SNX21: variants seen among roughly 807,000 people sequenced by gnomAD.
SNX21 encodes the protein sorting nexin-21.
A neutral mutation model predicts 30.9 loss-of-function variants in SNX21; 36 were observed. That is an observed-to-expected ratio of 1.16 (90% confidence interval 0.89 to 1.54). The LOEUF is 1.54. Ranked by LOEUF, SNX21 falls within the 40% of genes most tolerant of loss-of-function variation. The pLI, the probability that SNX21 is intolerant of heterozygous loss-of-function variation, is 0.00. For synonymous variants in SNX21, 218 were observed against 222.7 expected, an observed-to-expected ratio of 0.98 and a Z score of 0.19; for missense variants, 508 against 516.5, an observed-to-expected ratio of 0.98 and a Z score of 0.16.
At chr20:45,839,351 TA>T (rs1287214875) in intron 3 of SNX21, among the ~76,000 whole-genome samples, 134 of 151,782 alleles carry the variant, frequency 8.8e-4, no homozygotes, top group East Asian at 3.9e-3. Context: ...CCGTCTCTAC[TA>T]AAAAATACAA....
At chr20:45,838,759 A>AAAGTAAAT (rs1555822104) in intron 3 of SNX21, among the ~76,000 whole-genome samples, 1 of 152,134 alleles carries the variant, frequency 6.6e-6, no homozygotes, top group Non-Finnish European at 1.5e-5. Flanking sequence ...ATAAATAAAT[A>AAAGTAAAT]AAGTAAATAA....
At position 45,842,242 on chromosome 20, in the gene SNX21, A is replaced by C; in HGVS notation, c.*929A>C. 6.9e-7 allele frequency: 1 copy of C among 1,440,230 alleles called. No individual in the cohort carries two copies. The highest frequency in any genetic ancestry group is 9.1e-7 in the Non-Finnish European group (1 of 1,103,862). 89.2% of individuals were successfully genotyped at this position (1,440,230 alleles called of 1,614,324 possible). On this transcript the variant is annotated 3_prime_UTR_variant, in exon 4 of 4. Transcript: ENST00000491381. The stretch of plus-strand genomic sequence containing the variant: ...GCTCCAAATGCCCCTTCATGAGCTT[A>C]TTATGGACCGTCATTGAGGGGTAAC...
chr20:45,835,088 T>A lies in SNX21; in HGVS notation c.419T>A (p.Val140Asp), dbSNP rs1277431903. ...CTCTTCGAAGTGACCAGCGCTAACG[T>A]TGTCAAGGACCCGCCCTCCAAGTAC... Reference protein sequence around the residue: ...RLLFEVTSANVVKDPPSKYVL... With the variant: ...RLLFEVTSANDVKDPPSKYVL... Residue 140 changes from valine to aspartate, a missense_variant, in exon 3 of 4, where the codon GTT becomes GAT. By Grantham distance (152) the Val-to-Asp change is radical. Coordinates refer to ENST00000491381, the MANE Select transcript of SNX21 (RefSeq NM_033421.4). 1 of 1,613,622 alleles carries A rather than the reference T, an allele frequency of 6.2e-7. No individual in the cohort carries two copies. Among genetic ancestry groups the A allele is most frequent in the Admixed American group, 1.7e-5 (1 of 59,930 alleles).
Position 45,843,189 on chromosome 20 carries a change from A to G in SNX21, c.*1876A>G. The G allele has an allele frequency of 2.1e-6, 1 of 486,324 alleles. No individual in the cohort carries two copies. Among genetic ancestry groups the G allele is most frequent in the South Asian group, 1.9e-5 (1 of 52,472 alleles). 30.1% of individuals were successfully genotyped at this position (486,324 alleles called of 1,614,324 possible). The stretch of plus-strand genomic sequence containing the variant: ...CTGCGGGTTTGGATACCACTGCTGT[A>G]ATGTAACCCTCTTTGTTTAGATGAG... On this transcript the variant is annotated 3_prime_UTR_variant, in exon 4 of 4. Coordinates refer to ENST00000491381, the MANE Select transcript of SNX21 (RefSeq NM_033421.4).
chr20:45,841,117 C>A lies in SNX21; in HGVS notation c.926C>A (p.Ala309Asp). 6.2e-7 allele frequency: 1 copy of A among 1,610,424 alleles called. No homozygotes were observed. Among genetic ancestry groups the A allele is most frequent in the Non-Finnish European group, 8.5e-7 (1 of 1,178,800 alleles). Residue 309 changes from alanine (A) to aspartate (D), a missense_variant, in exon 4 of 4, where the codon GCC becomes GAC. Coordinates refer to ENST00000491381, the MANE Select transcript of SNX21 (RefSeq NM_033421.4). ...GAGGCCCGGGCATGCTGTGAGAAGG[C>A]CCTGCAGCTGCTTGGGGACAAGAGC... ...PGEARACCEK[A>D]LQLLGDKSLH...
chr20:45,836,658 G>A (rs1405136442), intron 3 of SNX21, among the ~76,000 whole-genome samples: 1 of 152,052 alleles, frequency 6.6e-6, no homozygotes, highest in Non-Finnish European at 1.5e-5. Context: ...GCACCACCAC[G>A]TGTGGCCAAT....
chr20:45,836,975 G>A (rs1366167708), intron 3 of SNX21, among the ~76,000 whole-genome samples: 5 of 152,148 alleles, frequency 3.3e-5, no homozygotes, highest in East Asian at 1.9e-4. Flanking sequence ...TGTGACTTAC[G>A]GCAAGTCTTT....
At chr20:45,834,936 T>A in intron 2 of SNX21, 23 bp from the exon 3 acceptor site, 1 of 1,609,476 alleles carries the variant, frequency 6.2e-7, no homozygotes, top group Non-Finnish European at 8.5e-7. Flanking sequence ...GGCCCATTGA[T>A]ATGACTGGTC....
At position 45,840,733 on chromosome 20, in the gene SNX21, ACCTG is replaced by A; in HGVS notation, c.544_547del (p.Leu182SerfsTer102). The A allele has an allele frequency of 2.5e-6, 4 of 1,614,062 alleles. No individual in the cohort carries two copies. Among genetic ancestry groups the A allele is most frequent in the Non-Finnish European group, 3.4e-6 (4 of 1,180,014 alleles). On this transcript the variant is annotated frameshift_variant, in exon 4 of 4. Transcript: ENST00000491381. LOFTEE classifies it high-confidence loss of function. ...TCGGACTTTGAGCGGCTGCACCGAA[ACCTG>A]CAGCGGCAATTCCGGGGCCCAATGG...
chr20:45,842,717 A>G lies in SNX21; in HGVS notation c.*1404A>G. On this transcript the variant is annotated 3_prime_UTR_variant, in exon 4 of 4. Coordinates refer to ENST00000491381, the MANE Select transcript of SNX21 (RefSeq NM_033421.4). ...GTGTTGTCCAGTTTTCCAGACCAGG[A>G]CTGAAATCCAGAGAGGGTCAGGAAT... 2 of 989,306 alleles carry G rather than the reference A, an allele frequency of 2.0e-6. No homozygotes were observed. Among genetic ancestry groups the G allele is most frequent in the Non-Finnish European group, 2.4e-6 (2 of 832,324 alleles). The allele number at this position is 989,306 out of a possible 1,614,324, so 61.3% of individuals were successfully genotyped here.
chr20:45,838,669 G>T (rs1042968865), intron 3 of SNX21, among the ~76,000 whole-genome samples: 6 of 151,930 alleles, frequency 3.9e-5, no homozygotes, highest in African/African-American at 1.2e-4. Flanking sequence ...CAGGAGAATT[G>T]CTTGAACCCA....
In SNX21 at chr20:45,842,661, A is replaced by C; in HGVS notation, c.*1348A>C. 1 of 989,792 alleles carries C rather than the reference A, an allele frequency of 1.0e-6. No individual in the cohort carries two copies. The highest frequency in any genetic ancestry group is 1.2e-6 in the Non-Finnish European group (1 of 832,602). The allele number at this position is 989,792 out of a possible 1,614,324, so 61.3% of individuals were successfully genotyped here. ...CCCTTACACATAGCAGAGCTCACTC[A>C]GTTCTCACAGTAGCCAAATGAAGCA... is the stretch of plus-strand genomic sequence containing the variant. On this transcript the variant is annotated 3_prime_UTR_variant, in exon 4 of 4. Transcript: ENST00000491381.
Position 45,841,799 on chromosome 20 carries a change from G to A in SNX21, c.*486G>A, listed in dbSNP as rs145182943. 911 of 1,554,484 alleles carry A rather than the reference G, an allele frequency of 5.9e-4. 6 individuals carry two copies. The African/African-American group carries it at 0.011, about 19-fold the overall frequency. On this transcript the variant is annotated 3_prime_UTR_variant, in exon 4 of 4. Coordinates refer to ENST00000491381, the MANE Select transcript of SNX21 (RefSeq NM_033421.4). ...CCTGTCTCAGGAATGGGGATAGATG[G>A]GAGGTTCTTGAAGCCCCAGGCGAAG...
At chr20:45,835,464 C>T (rs1210349478) in intron 3 of SNX21, among the ~76,000 whole-genome samples, 3 of 152,142 alleles carry the variant, frequency 2.0e-5, no homozygotes, top group African/African-American at 7.2e-5. Context: ...ACTTGAGATC[C>T]AAGTTGCATG....
chr20:45,833,799 A>T lies in SNX21; in HGVS notation c.-121A>T, dbSNP rs2145732181. On this transcript the variant is annotated 5_prime_UTR_variant, in exon 1 of 4. Transcript: ENST00000491381. ...GCGGGGCAGGAGGCGGGGCGGCGGC[A>T]GGAAGCTGCCCGAGCGGCGCTCTGA... is the stretch of plus-strand genomic sequence containing the variant. 9.7e-7 allele frequency: 1 copy of T among 1,027,850 alleles called. No individual in the cohort carries two copies. Among genetic ancestry groups the T allele is most frequent in the Non-Finnish European group, 1.3e-6 (1 of 799,272 alleles). The allele number at this position is 1,027,850 out of a possible 1,614,324, so 63.7% of individuals were successfully genotyped here.
Position 45,835,052 on chromosome 20 carries a change from C to G in SNX21, c.383C>G (p.Pro128Arg), listed in dbSNP as rs749082583. The part of the protein sequence containing the change: ...FWKKSRNTLA[P>R]QRLLFEVTSA... ...AAGAAGTCCCGGAACACCTTGGCACCCCAGCGGCTGCTCTTCGAAGTGACC... is the reference window on the plus strand; with the variant it reads ...AAGAAGTCCCGGAACACCTTGGCACGCCAGCGGCTGCTCTTCGAAGTGACC... The change falls in exon 3 of 4, where the codon CCC becomes CGC. Residue 128 changes from proline to arginine, a missense_variant. Transcript: ENST00000491381. 6.2e-7 allele frequency: 1 copy of G among 1,614,206 alleles called. No individual in the cohort carries two copies. Among genetic ancestry groups the G allele is most frequent in the Middle Eastern group, 1.6e-4 (1 of 6,062 alleles).
Position 45,842,553 on chromosome 20 carries a change from C to T in SNX21, c.*1240C>T. 1.0e-6 allele frequency: 1 copy of T among 999,756 alleles called. No individual in the cohort carries two copies. Among genetic ancestry groups the T allele is most frequent in the Non-Finnish European group, 1.2e-6 (1 of 838,654 alleles). The allele number at this position is 999,756 out of a possible 1,614,324, so 61.9% of individuals were successfully genotyped here. ...AGGACTTGAGGCCATGAGGTCTGGCCTCTTCCCTCCCCATCTGGAGACTCT... is the reference window on the plus strand; with the variant it reads ...AGGACTTGAGGCCATGAGGTCTGGCTTCTTCCCTCCCCATCTGGAGACTCT... On this transcript the variant is annotated 3_prime_UTR_variant, in exon 4 of 4. Coordinates refer to ENST00000491381, the MANE Select transcript of SNX21 (RefSeq NM_033421.4).
chr20:45,838,870 G>C (rs990071499), intron 3 of SNX21, among the ~76,000 whole-genome samples: 4 of 152,022 alleles, frequency 2.6e-5, no homozygotes, highest in African/African-American at 7.2e-5. Flanking sequence ...TCTAAAAATG[G>C]AGATGAGAAG....
intron 3 of SNX21, 74 bp from the exon 4 acceptor site, chr20:45,840,565 G>GGGATGGGGAA (rs972728091): frequency 6.2e-7 from 1 of 1,613,832 alleles, no homozygotes; most frequent in Non-Finnish European, 8.5e-7. Flanking sequence ...GGGAGTGTGG[G>GGGATGGGGAA]GGATGGGGAA....
Sources: allele counts gnomAD v4.1 joint callset (sites outside exome capture counted in the v4.1 genomes callset), GRCh38; gene constraint gnomAD v4.1.1; transcripts MANE v1.5; gene names NCBI Gene and HGNC (gene_info 2026-07-23, HGNC 2026-07-21).